TTC39C: variants seen among roughly 807,000 people sequenced by gnomAD.
TTC39C encodes the protein tetratricopeptide repeat protein 39C.
In TTC39C, 33 loss-of-function variants were observed where a neutral mutation model predicts 76.3. The observed-to-expected ratio is 0.43, with a 90% confidence interval of 0.33 to 0.58. The LOEUF is 0.58. Among genes scored for constraint, TTC39C ranks in the 20% least tolerant of loss-of-function variants. The pLI is 0.04. For synonymous variants in TTC39C, 254 were observed against 260.6 expected (o/e 0.97, Z 0.24); for missense variants, 595 against 701.4 (o/e 0.85, Z 1.71).
chr18:24,004,476 G>A (rs1019705380), intron 1 of TTC39C, among the ~76,000 whole-genome samples: 22 of 152,164 alleles, frequency 1.4e-4, no homozygotes, highest in African/African-American at 5.1e-4. Context: ...TAAATGTCAA[G>A]AGTTAGGAAT....
intron 1 of TTC39C, among the ~76,000 whole-genome samples, chr18:24,052,267 G>T (rs935524943): frequency 6.6e-6 from 1 of 152,134 alleles, no homozygotes; most frequent in Non-Finnish European, 1.5e-5. Flanking sequence ...AGGGCTGTTC[G>T]GACTTTCTAG....
chr18:24,087,552 CAAA>C (rs2079121152), intron 6 of TTC39C, among the ~76,000 whole-genome samples: 1 of 150,606 alleles, frequency 6.6e-6, no homozygotes, highest in Non-Finnish European at 1.5e-5. Flanking sequence ...CATATTCTAA[CAAA>C]GTTCCTATGC....
chr18:24,052,470 T>C (rs777202930), intron 1 of TTC39C, among the ~76,000 whole-genome samples: 1 of 152,214 alleles, frequency 6.6e-6, no homozygotes, highest in Non-Finnish European at 1.5e-5. Context: ...TCACTTTTTA[T>C]TCATTTTAAA....
At chr18:24,086,703 G>C (rs146405278) in intron 6 of TTC39C, among the ~76,000 whole-genome samples, 50 of 152,272 alleles carry the variant, frequency 3.3e-4, no homozygotes, top group African/African-American at 1.2e-3. Context: ...ATAGTACTGT[G>C]CCTCGAACCT....
At chr18:24,033,979 A>T (rs2083704537) in intron 1 of TTC39C, among the ~76,000 whole-genome samples, 1 of 152,262 alleles carries the variant, frequency 6.6e-6, no homozygotes, top group Admixed American at 6.5e-5. Flanking sequence ...TGAAATTGGA[A>T]TGATATCTAA....
chr18:24,111,277 A>T (rs1485086384), intron 6 of TTC39C, among the ~76,000 whole-genome samples: 1 of 152,030 alleles, frequency 6.6e-6, no homozygotes, highest in Non-Finnish European at 1.5e-5. Flanking sequence ...ACAAATTAAG[A>T]TATCCATCAT....
chr18:24,035,387 T>G (rs575993744), intron 1 of TTC39C, among the ~76,000 whole-genome samples: 1 of 152,332 alleles, frequency 6.6e-6, no homozygotes, highest in South Asian at 2.1e-4. Context: ...ACAGCGATTT[T>G]ACCATTTTAC....
chr18:24,132,473 T>C lies in TTC39C; in HGVS notation c.1663-12T>C, dbSNP rs759106064. ...TAACAGAGTGCATAAATATCTTTCT[T>C]TGATCTTACAGGAGGATTTCTCTGG... On this transcript the variant is annotated splice_polypyrimidine_tract_variant and intron_variant, in intron 13 of 13. Coordinates refer to ENST00000317571, the MANE Select transcript of TTC39C (RefSeq NM_001135993.2). 2 of 1,613,266 alleles carry C rather than the reference T, an allele frequency of 1.2e-6. No individual in the cohort carries two copies. The highest frequency in any genetic ancestry group is 8.5e-7 in the Non-Finnish European group (1 of 1,179,464).
At position 23,996,143 on chromosome 18, in the gene TTC39C, C is replaced by A. The variant is rs114648216; in HGVS notation, c.-17+3105C>A. On this transcript the variant is annotated intron_variant, in intron 1 of 13. Coordinates refer to the TTC39C transcript ENST00000304621. ...TGGAACTTCATTGGGGTTTAGTTTA[C>A]ATTTCCATCAAAATGAGTGATGTTG... 1.9e-3 allele frequency among the ~76,000 whole-genome samples: 289 copies of A among 152,316 alleles called. 2 individuals carry two copies. The highest frequency in any genetic ancestry group is 6.8e-3 in the African/African-American group (283 of 41,560).
At chr18:24,120,675 C>G (rs1028439211) in intron 8 of TTC39C, among the ~76,000 whole-genome samples, 1 of 152,152 alleles carries the variant, frequency 6.6e-6, no homozygotes, top group South Asian at 2.1e-4. Context: ...CAAACTCTAC[C>G]CATTAAACAG....
chr18:23,995,314 C>A (rs2083252522), intron 1 of TTC39C, among the ~76,000 whole-genome samples: 1 of 151,880 alleles, frequency 6.6e-6, no homozygotes, highest in African/African-American at 2.4e-5. Flanking sequence ...CTAAAAATAC[C>A]CCAAAATTAG....
rs754649157 is a variant in TTC39C at position 24,133,298 on chromosome 18, T to C, written c.*724T>C. On this transcript the variant is annotated 3_prime_UTR_variant, in exon 14 of 14. Coordinates refer to ENST00000317571, the MANE Select transcript of TTC39C (RefSeq NM_001135993.2). ...GAAGTTATGTCACCAGAAATAGTCA[T>C]CTCCAGATTGTCTACAGAATGTTTC... The C allele has an allele frequency of 6.6e-6, 1 of 152,198 alleles. No homozygotes were observed. Among genetic ancestry groups the C allele is most frequent in the Non-Finnish European group, 1.5e-5 (1 of 68,024 alleles). The allele number at this position is 152,198 out of a possible 1,614,324, so 9.4% of individuals were successfully genotyped here.
chr18:24,103,128 T>C (rs8091500), intron 6 of TTC39C, among the ~76,000 whole-genome samples: 150,693 of 152,342 alleles, frequency 0.99, 74,549 homozygotes, highest in Middle Eastern at 1. Flanking sequence ...GGGCTCTTTA[T>C]TTAGCCTCTC....
intron 1 of TTC39C, among the ~76,000 whole-genome samples, chr18:24,029,621 C>G (rs1332848427): frequency 6.6e-6 from 1 of 152,184 alleles, no homozygotes; most frequent in African/African-American, 2.4e-5. Flanking sequence ...GCAGTGTACA[C>G]TGTACTTAAT....
At chr18:23,998,425 C>G (rs2083285599) in intron 1 of TTC39C, among the ~76,000 whole-genome samples, 1 of 152,168 alleles carries the variant, frequency 6.6e-6, no homozygotes, top group Non-Finnish European at 1.5e-5. Flanking sequence ...TCCTGGCCAA[C>G]ATGGTGAGAC....
At chr18:24,091,406 C>T (rs1475174167) in intron 6 of TTC39C, among the ~76,000 whole-genome samples, 1 of 152,196 alleles carries the variant, frequency 6.6e-6, no homozygotes, top group African/African-American at 2.4e-5. Flanking sequence ...CATGCCACTG[C>T]ACTCCAGCCT....
chr18:24,095,124 C>T (rs1219235494), intron 6 of TTC39C, among the ~76,000 whole-genome samples: 1 of 152,244 alleles, frequency 6.6e-6, no homozygotes, highest in East Asian at 1.9e-4. Context: ...TGCTGCTTCA[C>T]CTTGCACTTT....
intron 1 of TTC39C, chr18:24,020,250 G>C (rs186692810): frequency 1.9e-6 from 2 of 1,028,278 alleles, no homozygotes; most frequent in Admixed American, 1.1e-4. Context: ...CTATTACACT[G>C]TCTGAAAAGG....
chr18:24,118,094 G>T, intron 7 of TTC39C, 31 bp from the exon 8 acceptor site: 1 of 1,581,548 alleles, frequency 6.3e-7, no homozygotes, highest in Non-Finnish European at 8.7e-7. Flanking sequence ...CAGTACTTTA[G>T]GGTCATGTGC....
Sources: gnomAD v4.1 joint callset for allele counts (sites outside exome capture counted in the v4.1 genomes callset) on GRCh38, gnomAD v4.1.1 for gene constraint, MANE v1.5 for transcripts, NCBI Gene and HGNC (gene_info 2026-07-23, HGNC 2026-07-21) for gene names.